Variants in ABCC5 observed in about 807,000 individuals in gnomAD.
ABCC5 encodes ATP-binding cassette sub-family C member 5.
ABCC5 carries 61 observed loss-of-function variants against 160.9 expected under a neutral mutation model. The ratio of observed to expected loss-of-function variants is 0.38; its 90% CI spans 0.31 to 0.47. The LOEUF is 0.47. ABCC5 is among the 20% of genes least tolerant of loss of function. The pLI is 0.99. For missense variants in ABCC5, 1,308 were observed against 1,813.3 expected, an observed-to-expected ratio of 0.72 and a Z score of 5.06; for synonymous variants, 666 against 700.6, an observed-to-expected ratio of 0.95 and a Z score of 0.78.
At chr3:183,939,187 C>A (rs1226039634) in intron 25 of ABCC5, among the ~76,000 whole-genome samples, 5 of 152,182 alleles carry the variant, frequency 3.3e-5, no homozygotes, top group African/African-American at 1.2e-4. Context: ...AATCCCAGCA[C>A]TTTGGGAGGC....
chr3:183,954,695 T>C (rs73179660), intron 17 of ABCC5, among the ~76,000 whole-genome samples: 5,911 of 152,274 alleles, frequency 0.039, 164 homozygotes, highest in Middle Eastern at 0.092. Context: ...AATATGAGAA[T>C]ACAGAATGTA....
rs779381751 is a variant in ABCC5 at position 183,982,007 on chromosome 3, C to T, written c.1000-133G>A. 3 of 912,660 alleles carry T rather than the reference C, an allele frequency of 3.3e-6. No individual in the cohort carries two copies. Among genetic ancestry groups the T allele is most frequent in the African/African-American group, 1.7e-5 (1 of 58,924 alleles). The allele number at this position is 912,660 out of a possible 1,614,324, so 56.5% of individuals were successfully genotyped here. On this transcript the variant is annotated intron_variant, in intron 7 of 29. Transcript: ENST00000334444. This position sits in a 1 kb window ranked among gnomAD's most constrained non-coding sequence, Gnocchi z 5.2. ...TAGGATGGGCCAAATGTTATGTAAT[C>T]GTACTGTCTTTAATAAAAGTGACCT...
intron 12 of ABCC5, among the ~76,000 whole-genome samples, chr3:183,966,844 A>T (rs1228615169): frequency 6.6e-6 from 1 of 152,150 alleles, no homozygotes; most frequent in Non-Finnish European, 1.5e-5. Context: ...ACAAGAAAGC[A>T]TTCCATAATC....
At chr3:183,955,270 G>A (rs1715767910) in intron 17 of ABCC5, among the ~76,000 whole-genome samples, 1 of 152,166 alleles carries the variant, frequency 6.6e-6, no homozygotes, top group Non-Finnish European at 1.5e-5. Flanking sequence ...TATCTGTCCT[G>A]TGATGCTCTA....
Position 183,949,202 on chromosome 3 carries a change from T to C in ABCC5, c.3227+551A>G, listed in dbSNP as rs1251599108. Reference sequence around the variant, plus strand: ...CATAGCTTATTCAACCTGTCCTATATTGAAGAACATTTTAGTTCCAATCTC... The same window carrying C: ...CATAGCTTATTCAACCTGTCCTATACTGAAGAACATTTTAGTTCCAATCTC... On this transcript the variant is annotated intron_variant, in intron 22 of 29. Transcript: ENST00000334444. This position sits in a 1 kb window ranked among gnomAD's most constrained non-coding sequence, Gnocchi z 4.2. Among the ~76,000 whole-genome samples, 3 of 152,200 alleles carry C rather than the reference T, an allele frequency of 2.0e-5. No homozygotes were observed. The highest frequency in any genetic ancestry group is 7.2e-5 in the African/African-American group (3 of 41,450).
intron 11 of ABCC5, among the ~76,000 whole-genome samples, chr3:183,969,427 T>TTA (rs1333555635): frequency 2.6e-5 from 4 of 152,218 alleles, no homozygotes; most frequent in African/African-American, 9.6e-5. Flanking sequence ...ATGCAGCAGC[T>TTA]CACGCCTATA....
intron 1 of ABCC5, among the ~76,000 whole-genome samples, chr3:184,015,480 A>C (rs552005727): frequency 6.6e-6 from 1 of 152,320 alleles, no homozygotes; most frequent in South Asian, 2.1e-4. Context: ...CTGTGACTTA[A>C]AACTACTACT....
At chr3:183,970,409 C>T (rs1217095241) in intron 11 of ABCC5, among the ~76,000 whole-genome samples, 1 of 151,366 alleles carries the variant, frequency 6.6e-6, no homozygotes, top group African/African-American at 2.4e-5. Context: ...ACACCTGCTC[C>T]CTGCCCCAGC....
chr3:183,990,842 T>C (rs778831871), intron 2 of ABCC5, among the ~76,000 whole-genome samples: 2 of 152,206 alleles, frequency 1.3e-5, no homozygotes, highest in Non-Finnish European at 2.9e-5. Flanking sequence ...GGGTCAAGAA[T>C]CTAGACACAC....
chr3:183,987,722 C>T lies in ABCC5; in HGVS notation c.591+48G>A. Reference sequence around the variant, plus strand: ...AACAGAATAAGAGTGTTAGAGCTGGCCGTGGCCGGGCCCCTGGAGACTGTC... The same window carrying T: ...AACAGAATAAGAGTGTTAGAGCTGGTCGTGGCCGGGCCCCTGGAGACTGTC... On this transcript the variant is annotated intron_variant, in intron 5 of 29. Transcript: ENST00000334444. The surrounding 1 kb of genome is among the most constrained non-coding windows in gnomAD (Gnocchi z 4.2). The T allele has an allele frequency of 6.2e-7, 1 of 1,612,766 alleles. No homozygotes were observed. Among genetic ancestry groups the T allele is most frequent in the Admixed American group, 1.7e-5 (1 of 59,900 alleles).
rs985782949 is a variant in ABCC5, at chr3:183,997,060, A to C, written c.130-7677T>G. 2.6e-5 allele frequency among the ~76,000 whole-genome samples: 4 copies of C among 152,212 alleles called. No homozygotes were observed. The East Asian group carries it at 7.7e-4, about 29-fold the overall frequency. On this transcript the variant is annotated intron_variant, in intron 2 of 29. Coordinates refer to ENST00000334444, the MANE Select transcript of ABCC5 (RefSeq NM_005688.4). The stretch of plus-strand genomic sequence containing the variant: ...AGACAGGTCTCTCAAAACAATAAGC[A>C]ACAGATATTCAGCTGTTGGCAAGAA...
intron 14 of ABCC5, among the ~76,000 whole-genome samples, chr3:183,964,453 G>A (rs909744559): frequency 1.3e-5 from 2 of 152,158 alleles, no homozygotes; most frequent in Non-Finnish European, 2.9e-5. Context: ...TTACCTGCAG[G>A]GTTTGTTAAA....
Position 183,947,424 on chromosome 3 carries a change from A to C in ABCC5, c.3314T>G (p.Ile1105Ser). ...MRWLAVRLDL[I>S]SIALITTTGL... is the part of the protein sequence containing the mutation. Reference sequence around the variant, plus strand: ...CGTGGTGGTGATGAGGGCGATGCTGATGAGGTCCAGCCGCACAGCCAGCCA... The same window carrying C: ...CGTGGTGGTGATGAGGGCGATGCTGCTGAGGTCCAGCCGCACAGCCAGCCA... Residue 1105 changes from isoleucine (I) to serine (S), a missense_variant, in exon 23 of 30, where the codon ATC (isoleucine) becomes AGC (serine). Coordinates refer to ENST00000334444, the MANE Select transcript of ABCC5 (RefSeq NM_005688.4). 6.2e-7 allele frequency: 1 copy of C among 1,613,848 alleles called. No homozygotes were observed. The highest frequency in any genetic ancestry group is 8.5e-7 in the Non-Finnish European group (1 of 1,179,802).
intron 22 of ABCC5, among the ~76,000 whole-genome samples, chr3:183,948,068 C>T (rs996645185): frequency 2.6e-5 from 4 of 152,184 alleles, no homozygotes; most frequent in Admixed American, 1.3e-4. Flanking sequence ...GCAATGTTTA[C>T]TGCTGCTACT....
rs758496491 is a variant in ABCC5, at chr3:183,925,637, G to A, written c.4130C>T (p.Ala1377Val). Residue 1377 changes from alanine to valine, a missense_variant, in exon 29 of 30, where the codon GCA becomes GTA. This residue lies in a region of ABCC5 where 163 missense variants were observed against 269.7 expected (regional missense o/e 0.60). Transcript: ENST00000334444. ...LIQETIREAF[A>V]DCTMLTIAHR... ...GGCAATGGTCAGCATGGTACAGTCT[G>A]CAAATGCTTCTCGGATGGTCTCTTG... The A allele has an allele frequency of 1.2e-6, 2 of 1,613,966 alleles. No homozygotes were observed. Among genetic ancestry groups the A allele is most frequent in the East Asian group, 4.5e-5 (2 of 44,896 alleles).
intron 7 of ABCC5, 59 bp from the exon 8 acceptor site, chr3:183,981,933 A>T: frequency 6.5e-7 from 1 of 1,548,434 alleles, no homozygotes; most frequent in East Asian, 2.3e-5. Context: ...AGAACTACCT[A>T]ATCTGCTTAA....
Position 183,949,720 on chromosome 3 carries a change from C to G in ABCC5, c.3227+33G>C. 4 of 1,610,130 alleles carry G rather than the reference C, an allele frequency of 2.5e-6. No individual in the cohort carries two copies. The highest frequency in any genetic ancestry group is 3.4e-6 in the Non-Finnish European group (4 of 1,178,122). ...TATCAAACGCTGGGATGCTGACTCCCCTTTGAGGCCTCTAGCCCCCATCAG... is the reference window on the plus strand; with the variant it reads ...TATCAAACGCTGGGATGCTGACTCCGCTTTGAGGCCTCTAGCCCCCATCAG... On this transcript the variant is annotated intron_variant, in intron 22 of 29. Transcript: ENST00000334444. This position sits in a 1 kb window ranked among gnomAD's most constrained non-coding sequence, Gnocchi z 4.2.
At chr3:183,983,159 TG>T (rs1006171992) in intron 5 of ABCC5, 152 bp from the exon 6 acceptor site, 3 of 686,676 alleles carry the variant, frequency 4.4e-6, no homozygotes, top group Non-Finnish European at 7.4e-6. Flanking sequence ...TATTACAAGC[TG>T]CCTGCAGTAA....
intron 2 of ABCC5, chr3:184,001,100 A>G (rs1720707024): frequency 2.4e-6 from 1 of 414,420 alleles, no homozygotes; most frequent in Non-Finnish European, 4.3e-6. Flanking sequence ...AAAAAATTTA[A>G]AAGTTAGCCA....
Sources: gnomAD v4.1 joint callset for allele counts (sites outside exome capture counted in the v4.1 genomes callset) on GRCh38, gnomAD v4.1.1 for gene constraint, gnomAD v4.1.1 regional missense constraint, Gnocchi (gnomAD v3.1) non-coding constraint, MANE v1.5 for transcripts, NCBI Gene and HGNC (gene_info 2026-07-23, HGNC 2026-07-21) for gene names.